Variants in MGA observed in about 807,000 individuals in gnomAD.
MGA encodes MAX dimerization protein MGA, also known as MAX gene-associated protein.
Under a neutral mutation model 261.1 loss-of-function variants are expected in MGA, and 40 were observed. The observed-to-expected ratio is 0.15, with a 90% CI of 0.12 to 0.20. MGA has a LOEUF of 0.20. MGA is among the 10% of genes least tolerant of loss of function. The probability of loss-of-function intolerance (pLI) is 1.00; values close to 1 mark genes in which losing one functional copy is unlikely to be tolerated. For missense variants in MGA, 3,397 were observed against 3,630.5 expected (o/e 0.94, Z 1.65); for synonymous variants, 1,302 against 1,290.6 (o/e 1.01, Z -0.19).
intron 5 of MGA, among the ~76,000 whole-genome samples, chr15:41,703,342 A>G (rs2059942659): frequency 1.5e-5 from 2 of 130,942 alleles, no homozygotes; most frequent in Admixed American, 8.8e-5. Flanking sequence ...TGGCTAAGAT[A>G]TTGTCAGTTT....
At chr15:41,658,539 ATTAT>A (rs2057256555), upstream of MGA, among the ~76,000 whole-genome samples, 1 of 152,064 alleles carries the variant, frequency 6.6e-6, no homozygotes, top group African/African-American at 2.4e-5. Flanking sequence ...TGGTGGTATG[ATTAT>A]TTTTAGAATA....
intron 1 of MGA, among the ~76,000 whole-genome samples, chr15:41,634,270 C>G (rs1329762402): frequency 6.6e-6 from 1 of 152,210 alleles, no homozygotes; most frequent in Non-Finnish European, 1.5e-5. Context: ...ACCTAGCAAG[C>G]ACAAAGTAAG....
intron 11 of MGA, among the ~76,000 whole-genome samples, chr15:41,733,068 C>T (rs955786007): frequency 6.6e-6 from 1 of 152,168 alleles, no homozygotes; most frequent in Non-Finnish European, 1.5e-5. Context: ...AAGTGATTCT[C>T]CCATCTCAGT....
intron 1 of MGA, among the ~76,000 whole-genome samples, chr15:41,655,132 A>ATGTAACC (rs2057137982): frequency 6.6e-6 from 1 of 151,230 alleles, no homozygotes; most frequent in Non-Finnish European, 1.5e-5. Flanking sequence ...TGGTATTTGC[A>ATGTAACC]TGTAACCCAT....
In MGA at chr15:41,768,613, A is replaced by G. The variant is rs1167930233; in HGVS notation, c.*1333A>G. On this transcript the variant is annotated 3_prime_UTR_variant, in exon 24 of 24. Coordinates refer to ENST00000219905, the MANE Select transcript of MGA (RefSeq NM_001164273.2). ...TGCATTTTGCCTTTCTTAAATAATT[A>G]TATTTTGGAATGTAACCCCTGTTCT... 6.6e-6 allele frequency: 1 copy of G among 152,566 alleles called. No individual in the cohort carries two copies. The highest frequency in any genetic ancestry group is 2.4e-5 in the African/African-American group (1 of 41,404). 9.5% of individuals were successfully genotyped at this position (152,566 alleles called of 1,614,324 possible). A position where few individuals can be genotyped will look rare whatever the true frequency, so the allele number is the denominator to read the frequency against.
chr15:41,654,363 G>A (rs1334683976), intron 1 of MGA, among the ~76,000 whole-genome samples: 2 of 152,108 alleles, frequency 1.3e-5, no homozygotes, highest in Admixed American at 1.3e-4. Context: ...TTTTTAATCT[G>A]AAAATGATCT....
intron 19 of MGA, among the ~76,000 whole-genome samples, chr15:41,758,774 A>G (rs992725553): frequency 2.0e-5 from 3 of 152,182 alleles, no homozygotes; most frequent in Non-Finnish European, 4.4e-5. Context: ...TGGCTTTTAC[A>G]TTAGAGTTTT....
intron 1 of MGA, among the ~76,000 whole-genome samples, chr15:41,665,863 A>G (rs2057705285): frequency 6.6e-6 from 1 of 152,088 alleles, no homozygotes; most frequent in African/African-American, 2.4e-5. Flanking sequence ...GAATCATACA[A>G]TATATGTGAC....
At chr15:41,661,955 C>G (rs1162896987) in intron 1 of MGA, among the ~76,000 whole-genome samples, 1 of 152,064 alleles carries the variant, frequency 6.6e-6, no homozygotes. Flanking sequence ...GAAGAGCTTT[C>G]CTTGCGGCAT....
intron 11 of MGA, among the ~76,000 whole-genome samples, chr15:41,733,977 A>G (rs1250453511): frequency 1.4e-5 from 2 of 143,916 alleles, no homozygotes; most frequent in Non-Finnish European, 3.0e-5. Context: ...GTGCAGTGGC[A>G]TGGTCTCGGC....
At chr15:41,763,092 C>T (rs1402153240) in intron 22 of MGA, among the ~76,000 whole-genome samples, 3 of 63,952 alleles carry the variant, frequency 4.7e-5, no homozygotes, top group African/African-American at 1.2e-4. Context: ...TTCTTTCTTC[C>T]TTTTTTTTTT....
At chr15:41,707,108 A>G (rs1021742595) in intron 5 of MGA, among the ~76,000 whole-genome samples, 6 of 152,238 alleles carry the variant, frequency 3.9e-5, no homozygotes, top group Non-Finnish European at 5.9e-5. Context: ...TCTGGACCAC[A>G]AAGAGTTAAA....
Position 41,762,277 on chromosome 15 carries a change from A to G in MGA, c.7659A>G (p.Ala2553=). 2 of 1,613,946 alleles carry G rather than the reference A, an allele frequency of 1.2e-6. No individual in the cohort carries two copies. Among genetic ancestry groups the G allele is most frequent in the Non-Finnish European group, 1.7e-6 (2 of 1,179,862 alleles). ...GCAAACAGCAGGAAGGATCTTCTGC[A>G]TCATCTGTAGATCTTGGACAGATGT... The change falls in exon 22 of 24, where the codon GCA becomes GCG. Residue 2553 remains alanine (A), a synonymous_variant. Coordinates refer to ENST00000219905, the MANE Select transcript of MGA (RefSeq NM_001164273.2).
At chr15:41,726,144 A>G (rs2151670793) in intron 9 of MGA, among the ~76,000 whole-genome samples, 1 of 152,146 alleles carries the variant, frequency 6.6e-6, no homozygotes, top group South Asian at 2.1e-4. Flanking sequence ...CTGTCTTTTG[A>G]TTACAATTTG....
In MGA at chr15:41,766,508, T is replaced by G. The variant is rs970697510; in HGVS notation, c.8426T>G (p.Leu2809Arg). Residue 2809 changes from leucine (L) to arginine (R), a missense_variant, in exon 24 of 24, where the codon CTG becomes CGG. Leu to Arg is a moderately radical substitution (Grantham distance 102). Around this residue, in one of 9 missense-constraint regions of MGA, gnomAD observed 647 missense variants for 642.4 expected, o/e 1.01. Transcript: ENST00000219905. ...GAAGCAGCTCTTGATTCCAGTGAAC[T>G]GCTGACTAACATGGAAGATGAGGAT... is the stretch of plus-strand genomic sequence containing the variant. 2 of 1,613,986 alleles carry G rather than the reference T, an allele frequency of 1.2e-6. No individual in the cohort carries two copies. The highest frequency in any genetic ancestry group is 1.7e-6 in the Non-Finnish European group (2 of 1,179,888).
chr15:41,681,766 T>A (rs2058691960), intron 2 of MGA, among the ~76,000 whole-genome samples: 1 of 152,176 alleles, frequency 6.6e-6, no homozygotes, highest in African/African-American at 2.4e-5. Context: ...TCCATTTTTT[T>A]ATGTTATGAG....
intron 2 of MGA, among the ~76,000 whole-genome samples, chr15:41,691,929 A>G (rs903234663): frequency 2.7e-5 from 4 of 148,438 alleles, no homozygotes; most frequent in Non-Finnish European, 5.9e-5. Flanking sequence ...ATTCGTCCCC[A>G]TTGTTGCTTA....
At position 41,761,646 on chromosome 15, in the gene MGA, A is replaced by G. The variant is rs1030504877; in HGVS notation, c.7399-93A>G. The G allele has an allele frequency of 4.8e-6, 3 of 631,130 alleles. No individual in the cohort carries two copies. In the South Asian group the frequency reaches 9.2e-5, roughly 19 times the overall value. The allele number at this position is 631,130 out of a possible 1,614,324, so 39.1% of individuals were successfully genotyped here. ...AAAAATTCTCTTAAGATGTCAGATT[A>G]AGTTTTTTTTCATTAGAGAAATTGT... is the stretch of plus-strand genomic sequence containing the variant. On this transcript the variant is annotated intron_variant, in intron 20 of 23. Coordinates refer to ENST00000219905, the MANE Select transcript of MGA (RefSeq NM_001164273.2).
intron 10 of MGA, among the ~76,000 whole-genome samples, chr15:41,727,828 G>A (rs1288244342): frequency 2.0e-5 from 3 of 152,138 alleles, no homozygotes; most frequent in African/African-American, 7.2e-5. Context: ...AAGATTTAAA[G>A]TAACAGTTGA....
Sources: gnomAD v4.1 joint callset for allele counts (sites outside exome capture counted in the v4.1 genomes callset) on GRCh38, gnomAD v4.1.1 for gene constraint, gnomAD v4.1.1 regional missense constraint, MANE v1.5 for transcripts, NCBI Gene and HGNC (gene_info 2026-07-23, HGNC 2026-07-21) for gene names.